The following KDM4C variants were observed in gnomAD, a reference collection of about 807,000 sequenced individuals.
KDM4C encodes the protein lysine demethylase 4C.
Under a neutral mutation model 129.3 loss-of-function variants are expected in KDM4C, and 81 were observed. The observed-to-expected ratio is 0.63, with a 90% CI of 0.52 to 0.75. The LOEUF is 0.75. KDM4C is among the 30% of genes least tolerant of loss of function. The pLI is 0.00. For synonymous variants in KDM4C, 573 were observed against 456.1 expected (o/e 1.26, Z -3.26); for missense variants, 1,457 against 1,304.0 (o/e 1.12, Z -1.81).
At chr9:6,816,580 A>C (rs1292192297) in intron 4 of KDM4C, among the ~76,000 whole-genome samples, 1 of 152,156 alleles carries the variant, frequency 6.6e-6, no homozygotes, top group African/African-American at 2.4e-5. Flanking sequence ...CTTCTTATAT[A>C]CCTTATATAT....
chr9:6,918,221 G>A lies in KDM4C; in HGVS notation c.921+24989G>A, dbSNP rs59462308. On this transcript the variant is annotated intron_variant, in intron 8 of 21. Transcript: ENST00000381309. ...CAGTGTCTACAGTTCCCATCTTTGT[G>A]TCAATGTGTATCCAATGTTTAGCTT... Among the ~76,000 whole-genome samples the A allele has an allele frequency of 2.4e-3, 360 of 152,224 alleles. 1 individual carries two copies. Among genetic ancestry groups the A allele is most frequent in the African/African-American group, 8.2e-3 (341 of 41,528 alleles).
intron 4 of KDM4C, among the ~76,000 whole-genome samples, chr9:6,843,562 T>C (rs898793074): frequency 2.0e-5 from 3 of 152,122 alleles, no homozygotes; most frequent in Admixed American, 2.0e-4. Context: ...GCCACAGTCT[T>C]CTTGTGGCCC....
At chr9:6,888,490 G>A (rs986152665) in intron 7 of KDM4C, among the ~76,000 whole-genome samples, 45 of 152,078 alleles carry the variant, frequency 3.0e-4, no homozygotes, top group African/African-American at 9.7e-4. Flanking sequence ...TAATACAATC[G>A]AGATTTCATT....
intron 4 of KDM4C, among the ~76,000 whole-genome samples, chr9:6,845,464 C>G (rs573311036): frequency 6.6e-6 from 1 of 152,156 alleles, no homozygotes; most frequent in Admixed American, 6.5e-5. Context: ...ATTCTCCTTC[C>G]TTGGCCTCTG....
At chr9:6,943,364 A>G (rs1826301862) in intron 8 of KDM4C, among the ~76,000 whole-genome samples, 1 of 152,174 alleles carries the variant, frequency 6.6e-6, no homozygotes, top group Non-Finnish European at 1.5e-5. Flanking sequence ...TTTGAGGAAA[A>G]TTATTTTACA....
intron 18 of KDM4C, among the ~76,000 whole-genome samples, chr9:7,125,645 T>C (rs1412925343): frequency 6.6e-6 from 1 of 152,256 alleles, no homozygotes; most frequent in East Asian, 1.9e-4. Context: ...AAGCCTCTGA[T>C]TGACTAGTGA....
At chr9:6,832,527 G>A (rs1369627544) in intron 4 of KDM4C, among the ~76,000 whole-genome samples, 1 of 142,982 alleles carries the variant, frequency 7.0e-6, no homozygotes, top group African/African-American at 2.6e-5. Flanking sequence ...CTGGGTTCAC[G>A]CCATTCTCCT....
chr9:6,986,720 T>G (rs915270707), intron 11 of KDM4C, 54 bp downstream of exon 11: 3 of 1,316,780 alleles, frequency 2.3e-6, no homozygotes, highest in Non-Finnish European at 3.1e-6. Context: ...AGAGCACATT[T>G]TGAAAACAAC....
At position 6,935,415 on chromosome 9, in the gene KDM4C, AT is replaced by A. The variant is rs577284988; in HGVS notation, c.921+42192del. Among the ~76,000 whole-genome samples, 647 of 149,880 alleles carry A rather than the reference AT, an allele frequency of 4.3e-3. 5 individuals are homozygous for A. The highest frequency in any genetic ancestry group is 0.013 in the African/African-American group (520 of 40,818). On this transcript the variant is annotated intron_variant, in intron 8 of 21. Transcript: ENST00000381309. ...CAGTAAAACATGATTTTTCATGTGT[AT>A]TTTTTTTTCTTTTTTTTTGAGATGG...
chr9:7,084,732 C>G (rs1834917658), intron 17 of KDM4C, among the ~76,000 whole-genome samples: 1 of 152,138 alleles, frequency 6.6e-6, no homozygotes, highest in Admixed American at 6.5e-5. Context: ...ATGTAATACC[C>G]TCAAAGCAAT....
intron 1 of KDM4C, among the ~76,000 whole-genome samples, chr9:6,789,987 T>C (rs1449282386): frequency 6.6e-6 from 1 of 151,636 alleles, no homozygotes; most frequent in Non-Finnish European, 1.5e-5. Flanking sequence ...CATTTAAACT[T>C]TCTAGGCTGG....
chr9:6,859,436 C>G (rs1247309775), intron 5 of KDM4C, among the ~76,000 whole-genome samples: 1 of 138,300 alleles, frequency 7.2e-6, no homozygotes, highest in Admixed American at 7.8e-5. Flanking sequence ...TATCACGCCA[C>G]TGCACTCCAG....
intron 12 of KDM4C, among the ~76,000 whole-genome samples, chr9:6,994,609 A>G (rs917795824): frequency 3.3e-5 from 5 of 152,138 alleles, no homozygotes; most frequent in African/African-American, 9.7e-5. Context: ...TAAATCACTT[A>G]TGGATTCAAG....
At chr9:7,060,074 C>A (rs1831404537) in intron 17 of KDM4C, among the ~76,000 whole-genome samples, 1 of 152,138 alleles carries the variant, frequency 6.6e-6, no homozygotes, top group African/African-American at 2.4e-5. Context: ...CCAGTGTTCT[C>A]ACATTCCTTG....
At chr9:7,009,613 A>C (rs1040451066) in intron 12 of KDM4C, among the ~76,000 whole-genome samples, 1 of 152,186 alleles carries the variant, frequency 6.6e-6, no homozygotes, top group Non-Finnish European at 1.5e-5. Context: ...AGACACCAAC[A>C]ATTTTACTCT....
intron 17 of KDM4C, among the ~76,000 whole-genome samples, chr9:7,083,260 G>C (rs1246765082): frequency 6.6e-6 from 1 of 152,162 alleles, no homozygotes; most frequent in African/African-American, 2.4e-5. Context: ...TTCCTAATCT[G>C]TAAATCTAAG....
chr9:6,964,951 C>T (rs1257201247), intron 8 of KDM4C, among the ~76,000 whole-genome samples: 3 of 151,086 alleles, frequency 2.0e-5, no homozygotes, highest in Non-Finnish European at 4.4e-5. Context: ...GAGACTTCGT[C>T]GGGAAAAAAA....
At chr9:6,861,916 C>A (rs1841007855) in intron 5 of KDM4C, among the ~76,000 whole-genome samples, 1 of 151,888 alleles carries the variant, frequency 6.6e-6, no homozygotes, top group Non-Finnish European at 1.5e-5. Flanking sequence ...GGACTACAGG[C>A]ATGTGCCACC....
At chr9:7,169,342 A>G (rs935604831) in intron 20 of KDM4C, among the ~76,000 whole-genome samples, 1 of 151,996 alleles carries the variant, frequency 6.6e-6, no homozygotes, top group East Asian at 1.9e-4. Context: ...TTATTTATTT[A>G]TTTTTTTGTT....
Sources: allele counts gnomAD v4.1 joint callset (sites outside exome capture counted in the v4.1 genomes callset), GRCh38; gene constraint gnomAD v4.1.1; transcripts MANE v1.5; gene names NCBI Gene and HGNC (gene_info 2026-07-23, HGNC 2026-07-21).